PRTFDC1: variants seen among roughly 807,000 people sequenced by gnomAD.
The protein encoded by PRTFDC1 is phosphoribosyl transferase domain containing 1.
Under a neutral mutation model 34.6 loss-of-function variants are expected in PRTFDC1, and 38 were observed. That is an observed-to-expected ratio of 1.10 (90% CI 0.85 to 1.44). PRTFDC1 has a LOEUF of 1.44. Ranked by LOEUF, PRTFDC1 falls within the 40% of genes most tolerant of loss-of-function variation. PRTFDC1 has a pLI of 0.00. For synonymous variants in PRTFDC1, 93 were observed against 98.1 expected (o/e 0.95, Z 0.31); for missense variants, 270 against 283.0 (o/e 0.95, Z 0.33).
intron 1 of PRTFDC1, among the ~76,000 whole-genome samples, chr10:24,951,337 C>T (rs186069832): frequency 2.6e-5 from 4 of 152,254 alleles, no homozygotes; most frequent in Non-Finnish European, 4.4e-5. Context: ...TTCTCTAGAA[C>T]GCAAGCTCAT....
intron 3 of PRTFDC1, among the ~76,000 whole-genome samples, chr10:24,884,674 G>A (rs1848134315): frequency 1.3e-5 from 2 of 152,214 alleles, no homozygotes; most frequent in Admixed American, 1.3e-4. Context: ...AAGAGGACAT[G>A]TATGCTGAAG....
intron 2 of PRTFDC1, among the ~76,000 whole-genome samples, chr10:24,937,631 C>T (rs1238367455): frequency 1.3e-5 from 2 of 150,534 alleles, no homozygotes; most frequent in Non-Finnish European, 2.9e-5. Context: ...GATCTTGGCT[C>T]ACTGCAACCT....
At chr10:24,893,256 T>TTCTC (rs113269444) in intron 3 of PRTFDC1, among the ~76,000 whole-genome samples, 8 of 150,842 alleles carry the variant, frequency 5.3e-5, no homozygotes, top group South Asian at 4.2e-4. Context: ...GATTCTTTTG[T>TTCTC]TCTCTCTCTC....
intron 3 of PRTFDC1, among the ~76,000 whole-genome samples, chr10:24,914,756 G>T (rs1036606330): frequency 6.6e-6 from 1 of 152,128 alleles, no homozygotes; most frequent in Non-Finnish European, 1.5e-5. Context: ...TACAGCTCTA[G>T]CCAACTCCTT....
chr10:24,849,961 T>G, intron 8 of PRTFDC1, 70 bp from the exon 9 acceptor site: 1 of 1,434,664 alleles, frequency 7.0e-7, no homozygotes, highest in Non-Finnish European at 9.8e-7. Flanking sequence ...GGTGATGCAG[T>G]AATAACCGAA....
At chr10:24,951,094 T>C (rs1195887057) in intron 1 of PRTFDC1, among the ~76,000 whole-genome samples, 2 of 152,290 alleles carry the variant, frequency 1.3e-5, no homozygotes, top group South Asian at 4.1e-4. Context: ...TCGGATACAA[T>C]GATTCTTTTG....
chr10:24,917,243 GC>G (rs1160256902), intron 3 of PRTFDC1, among the ~76,000 whole-genome samples: 3 of 152,160 alleles, frequency 2.0e-5, no homozygotes, highest in African/African-American at 7.2e-5. Context: ...TGTGTCAAAT[GC>G]CCCATTTTTT....
intron 3 of PRTFDC1, chr10:24,908,599 C>T: frequency 1.9e-6 from 3 of 1,612,758 alleles, no homozygotes; most frequent in Middle Eastern, 3.3e-4. Flanking sequence ...GAGATTCTTG[C>T]AGGGGAGCAC....
intron 4 of PRTFDC1, among the ~76,000 whole-genome samples, chr10:24,868,959 A>T (rs757403880): frequency 6.6e-6 from 1 of 152,252 alleles, no homozygotes; most frequent in Non-Finnish European, 1.5e-5. Context: ...TGTTTGTTAC[A>T]TGCATGGAAT....
At chr10:24,850,949 C>T (rs755703471) in intron 8 of PRTFDC1, among the ~76,000 whole-genome samples, 1 of 152,162 alleles carries the variant, frequency 6.6e-6, no homozygotes, top group Admixed American at 6.5e-5. Context: ...GGGGTCCACA[C>T]TGGGGGTCCA....
At chr10:24,873,087 A>G (rs907294325) in intron 3 of PRTFDC1, among the ~76,000 whole-genome samples, 1 of 151,902 alleles carries the variant, frequency 6.6e-6, no homozygotes, top group Non-Finnish European at 1.5e-5. Context: ...TGGCCTCCCA[A>G]AGTGCTGGGA....
chr10:24,932,301 T>G (rs994375978), intron 3 of PRTFDC1, among the ~76,000 whole-genome samples: 3 of 151,862 alleles, frequency 2.0e-5, no homozygotes, highest in African/African-American at 7.2e-5. Context: ...AGGTCCTAAC[T>G]GGCATGATCA....
chr10:24,870,149 G>T (rs931520180), intron 4 of PRTFDC1, among the ~76,000 whole-genome samples: 1 of 152,018 alleles, frequency 6.6e-6, no homozygotes, highest in Non-Finnish European at 1.5e-5. Context: ...TTGTTCTGTC[G>T]CCCAGGCTGG....
intron 3 of PRTFDC1, among the ~76,000 whole-genome samples, chr10:24,898,621 G>A (rs1848405826): frequency 6.6e-6 from 1 of 151,780 alleles, no homozygotes; most frequent in Non-Finnish European, 1.5e-5. Flanking sequence ...CCATCTTTAG[G>A]CTCACATTCT....
intron 3 of PRTFDC1, among the ~76,000 whole-genome samples, chr10:24,873,582 G>T (rs937473074): frequency 1.3e-5 from 2 of 152,152 alleles, no homozygotes; most frequent in Non-Finnish European, 2.9e-5. Flanking sequence ...CCTCTTCCTG[G>T]GGGGAGTCCA....
intron 4 of PRTFDC1, among the ~76,000 whole-genome samples, chr10:24,859,488 T>G (rs748259429): frequency 6.6e-5 from 10 of 152,172 alleles, no homozygotes; most frequent in Non-Finnish European, 1.3e-4. Context: ...TCAAGTGATC[T>G]GCCCTCCTTG....
chr10:24,873,848 C>G (rs1847918043), intron 3 of PRTFDC1, among the ~76,000 whole-genome samples: 1 of 149,878 alleles, frequency 6.7e-6, no homozygotes. Flanking sequence ...AATGAAACAC[C>G]TTTTGTCTTT....
chr10:24,880,837 TTC>T (rs1491108040), intron 3 of PRTFDC1, among the ~76,000 whole-genome samples: 19 of 143,674 alleles, frequency 1.3e-4, no homozygotes, highest in African/African-American at 4.6e-4. Flanking sequence ...CTTTCTTTCT[TTC>T]TTTCTTTCTT....
chr10:24,882,946 A>G (rs1588589706), intron 3 of PRTFDC1, among the ~76,000 whole-genome samples: 1 of 151,140 alleles, frequency 6.6e-6, no homozygotes, highest in East Asian at 1.9e-4. Flanking sequence ...TAATGAGTAA[A>G]GGATACAGTT....
Sources: allele counts gnomAD v4.1 joint callset (sites outside exome capture counted in the v4.1 genomes callset), GRCh38; gene constraint gnomAD v4.1.1; transcripts MANE v1.5; gene names NCBI Gene and HGNC (gene_info 2026-07-23, HGNC 2026-07-21).